The following GCM2 variants were observed in gnomAD, a reference collection of about 807,000 sequenced individuals.
The protein encoded by GCM2 is chorion-specific transcription factor GCMb.
Under a neutral mutation model 24.8 loss-of-function variants are expected in GCM2, and 21 were observed. The observed-to-expected ratio is 0.85, with a 90% CI of 0.60 to 1.22. The LOEUF is 1.22. Ranked by LOEUF, GCM2 falls within the 50% of genes most tolerant of loss-of-function variation. The probability of loss-of-function intolerance (pLI) is 0.00; values close to 1 mark genes in which losing one functional copy is unlikely to be tolerated. For missense variants in GCM2, 532 were observed against 645.6 expected, an observed-to-expected ratio of 0.82 and a Z score of 1.91; for synonymous variants, 222 against 238.0, an observed-to-expected ratio of 0.93 and a Z score of 0.62.
chr6:10,876,817 A>G (rs900217807), intron 2 of GCM2, among the ~76,000 whole-genome samples: 7 of 151,956 alleles, frequency 4.6e-5, no homozygotes, highest in Admixed American at 4.6e-4. Context: ...TAATCCCAGC[A>G]CTTTGGGAGG....
In GCM2 at chr6:10,875,803, C is replaced by T. The variant is rs2076258; in HGVS notation, c.582+88G>A. On this transcript the variant is annotated intron_variant, in intron 4 of 4. Transcript: ENST00000379491. ...GATGAAATCAAACCCTTGTAATTAA[C>T]GTATGACCTTCATATTTTGCATAAC... is the stretch of plus-strand genomic sequence containing the variant. 458,668 of 1,256,372 alleles carry T rather than the reference C, an allele frequency of 0.37. 87,473 individuals are homozygous for T. The highest frequency in any genetic ancestry group is 0.66 in the East Asian group (28,544 of 43,032). 77.8% of individuals were successfully genotyped at this position (1,256,372 alleles called of 1,614,324 possible).
Position 10,874,721 on chromosome 6 carries a change from T to C in GCM2, c.795A>G (p.Arg265=). 1 of 1,614,104 alleles carries C rather than the reference T, an allele frequency of 6.2e-7. No individual in the cohort carries two copies. Among genetic ancestry groups the C allele is most frequent in the East Asian group, 2.2e-5 (1 of 44,880 alleles). The change falls in exon 5 of 5, where the codon AGA becomes AGG. Residue 265 remains arginine, a synonymous_variant. Transcript: ENST00000379491. ...MPPFQKYSSP[R]IYLPRPPCSY... ...TGCAAGGTGGCCTAGGCAAATAGAT[T>C]CTTGGGCTTGAGTATTTCTGGAAGG... is the stretch of plus-strand genomic sequence containing the variant.
Position 10,881,782 on chromosome 6 carries a change from G to T in GCM2, c.12C>A (p.Ala4=). 1 of 1,608,192 alleles carries T rather than the reference G, an allele frequency of 6.2e-7. No homozygotes were observed. Among genetic ancestry groups the T allele is most frequent in the Non-Finnish European group, 8.5e-7 (1 of 1,179,904 alleles). The change falls in exon 1 of 5, where the codon GCC becomes GCA. Residue 4 remains alanine, a synonymous_variant. Transcript: ENST00000379491. ...ACACGCCGACCGCTTCCTGCACCGC[G>T]GCCGCCGGCATCTGCCCAACTCGCT... The part of the protein sequence containing the change: MPA[A]AVQEAVGVCS...
At chr6:10,880,744 G>T (rs1245333016) in intron 1 of GCM2, among the ~76,000 whole-genome samples, 1 of 152,164 alleles carries the variant, frequency 6.6e-6, no homozygotes, top group Non-Finnish European at 1.5e-5. Context: ...ATGATGATTT[G>T]CTTGTCATTA....
Position 10,874,330 on chromosome 6 carries a change from G to A in GCM2, c.1186C>T (p.Pro396Ser), listed in dbSNP as rs1176069458. 2.5e-6 allele frequency: 4 copies of A among 1,614,090 alleles called. No homozygotes were observed. The highest frequency in any genetic ancestry group is 2.5e-6 in the Non-Finnish European group (3 of 1,180,028). Residue 396 changes from proline to serine, a missense_variant, in exon 5 of 5, where the codon CCC becomes TCC. Pro to Ser is a moderately conservative substitution (Grantham distance 74, BLOSUM62 -1). Around this residue, in one of 3 missense-constraint regions of GCM2, gnomAD observed 434 missense variants for 521.9 expected, o/e 0.83. Coordinates refer to ENST00000379491, the MANE Select transcript of GCM2 (RefSeq NM_004752.4). ...TTKVSYQAYQ[P>S]PAMKYSDSVR... ...CTGTCACTGTATTTCATAGCAGGGGGCTGGTAGGCCTGGTAGGACACTTTA... is the reference window on the plus strand; with the variant it reads ...CTGTCACTGTATTTCATAGCAGGGGACTGGTAGGCCTGGTAGGACACTTTA...
rs753942186 is a variant in GCM2, at chr6:10,881,765, A to C, written c.29T>G (p.Val10Gly). 6.2e-6 allele frequency: 10 copies of C among 1,609,782 alleles called. 1 individual carries two copies. The highest frequency in any genetic ancestry group is 3.3e-5 in the South Asian group (3 of 91,074). ...CTGCATCCCGTAGGAGCACACGCCG[A>C]CCGCTTCCTGCACCGCGGCCGCCGG... is the stretch of plus-strand genomic sequence containing the variant. MPAAAVQEA[V>G]GVCSYGMQLS... The change falls in exon 1 of 5, where the codon GTC becomes GGC. Residue 10 changes from valine (V) to glycine (G), a missense_variant. By Grantham distance (109) the Val-to-Gly change is moderately radical. Coordinates refer to ENST00000379491, the MANE Select transcript of GCM2 (RefSeq NM_004752.4).
chr6:10,880,331 A>G (rs1377171025), intron 1 of GCM2, among the ~76,000 whole-genome samples: 1 of 152,164 alleles, frequency 6.6e-6, no homozygotes, highest in Admixed American at 6.6e-5. Context: ...CTAACCTACT[A>G]CAAATATATG....
At chr6:10,881,312 C>T (rs983247974) in intron 1 of GCM2, among the ~76,000 whole-genome samples, 6 of 152,110 alleles carry the variant, frequency 3.9e-5, no homozygotes, top group Non-Finnish European at 7.4e-5. Context: ...GCATGCGCCA[C>T]CACGCTGGGC....
In GCM2 at chr6:10,874,483, T is replaced by C. The variant is rs1234007820; in HGVS notation, c.1033A>G (p.Arg345Gly). Residue 345 changes from arginine to glycine, a missense_variant, in exon 5 of 5, where the codon AGG becomes GGG. By Grantham distance (125) the Arg-to-Gly change is moderately radical. This residue lies in a region of GCM2 where 434 missense variants were observed against 521.9 expected (regional missense o/e 0.83). Transcript: ENST00000379491. ...GCCTGAAACTGCCCATGGTTAGTCC[T>C]TTCCACAAGGCTGGGTTTTCCAAGA... is the stretch of plus-strand genomic sequence containing the variant. ...PALGKPSLVERTNHGQFQAMA... is the reference protein window; with the variant it reads ...PALGKPSLVEGTNHGQFQAMA... 17 of 1,614,238 alleles carry C rather than the reference T, an allele frequency of 1.1e-5. No individual in the cohort carries two copies. Among genetic ancestry groups the C allele is most frequent in the Non-Finnish European group, 1.4e-5 (16 of 1,180,038 alleles).
In GCM2 at chr6:10,877,385, G is replaced by T. The variant is rs769115022; in HGVS notation, c.98C>A (p.Ala33Asp). The change falls in exon 2 of 5, where the codon GCC becomes GAC. Residue 33 changes from alanine (A) to aspartate (D), a missense_variant. Around this residue, in one of 3 missense-constraint regions of GCM2, gnomAD observed 96 missense variants for 103.5 expected, o/e 0.93. Transcript: ENST00000379491. ...INDPQMPQEL[A>D]LFDQFREWPD... ...CCACTCTCGGAATTGGTCAAAGAGG[G>T]CCAGCTCCTGGAAGAGTGCAGAAGG... 3.1e-6 allele frequency: 5 copies of T among 1,614,222 alleles called. No individual in the cohort carries two copies. The highest frequency in any genetic ancestry group is 4.2e-6 in the Non-Finnish European group (5 of 1,180,032).
At position 10,873,662 on chromosome 6, in the gene GCM2, C is replaced by G. The variant is rs140170781; in HGVS notation, c.*333G>C. 613 of 359,198 alleles carry G rather than the reference C, an allele frequency of 1.7e-3. 3 individuals carry two copies. Among genetic ancestry groups the G allele is most frequent in the African/African-American group, 0.012 (571 of 47,686 alleles). 22.3% of individuals were successfully genotyped at this position (359,198 alleles called of 1,614,324 possible). On this transcript the variant is annotated 3_prime_UTR_variant, in exon 5 of 5. Transcript: ENST00000379491. Reference sequence around the variant, plus strand: ...ATGGGAAAAGTCCTAGAATAAGAACCAGAATCCTTGACTTCTACTCCTGCT... The same window carrying G: ...ATGGGAAAAGTCCTAGAATAAGAACGAGAATCCTTGACTTCTACTCCTGCT...
At chr6:10,878,488 T>A (rs1360355425) in intron 1 of GCM2, among the ~76,000 whole-genome samples, 1 of 152,054 alleles carries the variant, frequency 6.6e-6, no homozygotes, top group Non-Finnish European at 1.5e-5. Context: ...CTGGCTATTG[T>A]TTGTATTTTT....
chr6:10,880,508 G>A (rs1332440363), intron 1 of GCM2, among the ~76,000 whole-genome samples: 5 of 152,154 alleles, frequency 3.3e-5, no homozygotes, highest in African/African-American at 9.6e-5. Context: ...TGGCAGGGAA[G>A]CAACTCTCAT....
Position 10,881,857 on chromosome 6 carries a change from C to A in GCM2, c.-64G>T, listed in dbSNP as rs1015627932. 1.0e-5 allele frequency: 14 copies of A among 1,341,464 alleles called. No homozygotes were observed. In the Middle Eastern group the frequency reaches 7.2e-4, roughly 69 times the overall value. 83.1% of individuals were successfully genotyped at this position (1,341,464 alleles called of 1,614,324 possible). On this transcript the variant is annotated 5_prime_UTR_variant, in exon 1 of 5. Transcript: ENST00000379491. ...AAAATAGAAGAAAAAAGGACAGGTG[C>A]GCCAGGTGGGTTTTTTTTCTTCTCT...
Position 10,877,858 on chromosome 6 carries a change from A to G in GCM2, c.91-466T>C, listed in dbSNP as rs889243756. Among the ~76,000 whole-genome samples, 5 of 152,226 alleles carry G rather than the reference A, an allele frequency of 3.3e-5. 1 individual carries two copies. In the East Asian group the frequency reaches 9.6e-4, roughly 29 times the overall value. On this transcript the variant is annotated intron_variant, in intron 1 of 4. Coordinates refer to ENST00000379491, the MANE Select transcript of GCM2 (RefSeq NM_004752.4). Reference sequence around the variant, plus strand: ...GTTAGGTATCAAAGTACCAGGGGAAAAAGTGATTGGAATGTTCTATCACTG... The same window carrying G: ...GTTAGGTATCAAAGTACCAGGGGAAGAAGTGATTGGAATGTTCTATCACTG...
At position 10,874,910 on chromosome 6, in the gene GCM2, A is replaced by C. The variant is rs755534385; in HGVS notation, c.606T>G (p.Ser202Arg). 1.2e-6 allele frequency: 2 copies of C among 1,613,252 alleles called. No individual in the cohort carries two copies. The highest frequency in any genetic ancestry group is 2.2e-5 in the East Asian group (1 of 44,878). ...ESEAEENQDS[S>R]GHFSNIPPLE... ...AGGGAGGTATGTTGCTGAAATGACC[A>C]CTGCTGTCTTGATTTTCTTCTGCCT... The change falls in exon 5 of 5, where the codon AGT becomes AGG. Residue 202 changes from serine (S) to arginine (R), a missense_variant. By Grantham distance (110) the Ser-to-Arg change is moderately radical (BLOSUM62 -1). Around this residue, in one of 3 missense-constraint regions of GCM2, gnomAD observed 434 missense variants for 521.9 expected, o/e 0.83. Transcript: ENST00000379491.
In GCM2 at chr6:10,877,201, G is replaced by A. The variant is rs368441029; in HGVS notation, c.282C>T (p.Pro94=). 7.4e-5 allele frequency: 120 copies of A among 1,613,884 alleles called. 1 individual carries two copies. Among genetic ancestry groups the A allele is most frequent in the Admixed American group, 1.2e-4 (7 of 60,012 alleles). The change falls in exon 2 of 5, where the codon CCC becomes CCT. Residue 94 remains proline, a synonymous_variant. Transcript: ENST00000379491. ...GCCTCAGCTGCAGGCGGGAACCGTCGGGCAGGGTGCAGGCCTGTGTACACA... is the reference window on the plus strand; with the variant it reads ...GCCTCAGCTGCAGGCGGGAACCGTCAGGCAGGGTGCAGGCCTGTGTACACA... ...VVVCTQACTL[P]DGSRLQLRPA...
intron 3 of GCM2, 53 bp from the exon 4 acceptor site, chr6:10,876,069 A>G (rs1178444467): frequency 4.4e-6 from 7 of 1,597,786 alleles, no homozygotes; most frequent in Admixed American, 1.7e-5. Flanking sequence ...GGAAGCTGAC[A>G]ATGTTGCCCA....
At position 10,874,359 on chromosome 6, in the gene GCM2, G is replaced by C. The variant is rs1263361700; in HGVS notation, c.1157C>G (p.Thr386Ser). The stretch of plus-strand genomic sequence containing the variant: ...GTAGGCCTGGTAGGACACTTTAGTG[G>C]TGGTGGTGATCACGGTTTGTAGGGC... ...APALQTVITT[T>S]TKVSYQAYQP... The change falls in exon 5 of 5, where the codon ACC becomes AGC. Residue 386 changes from threonine (T) to serine (S), a missense_variant. This residue lies in a region of GCM2 where 434 missense variants were observed against 521.9 expected (regional missense o/e 0.83). Transcript: ENST00000379491. The C allele has an allele frequency of 6.2e-6, 10 of 1,613,798 alleles. No individual in the cohort carries two copies. Among genetic ancestry groups the C allele is most frequent in the African/African-American group, 1.3e-5 (1 of 74,934 alleles).
Sources: gnomAD v4.1 joint callset for allele counts (sites outside exome capture counted in the v4.1 genomes callset) on GRCh38, gnomAD v4.1.1 for gene constraint, gnomAD v4.1.1 regional missense constraint, MANE v1.5 for transcripts, NCBI Gene and HGNC (gene_info 2026-07-23, HGNC 2026-07-21) for gene names.